FBXO25: variants seen among roughly 807,000 people sequenced by gnomAD.
FBXO25 encodes the protein F-box only protein 25.
Under a neutral mutation model 51.9 loss-of-function variants are expected in FBXO25, and 45 were observed. The observed-to-expected ratio is 0.87, with a 90% CI of 0.68 to 1.11. The LOEUF (loss-of-function observed/expected upper bound fraction) is 1.11, where lower values mean the gene tolerates loss of function less well. Ranked by LOEUF, FBXO25 falls within the 50% of genes most tolerant of loss-of-function variation. The pLI, the probability that FBXO25 is intolerant of heterozygous loss-of-function variation, is 0.00. For missense variants in FBXO25, 507 were observed against 428.5 expected (o/e 1.18, Z -1.62); for synonymous variants, 199 against 151.0 (o/e 1.32, Z -2.33).
At chr8:443,982 C>T (rs1798585271) in intron 5 of FBXO25, among the ~76,000 whole-genome samples, 2 of 152,194 alleles carry the variant, frequency 1.3e-5, no homozygotes, top group East Asian at 1.9e-4. Context: ...AGGTCTGGCC[C>T]CTCCCTCCTC....
At chr8:417,704 C>G (rs1003003052) in intron 2 of FBXO25, among the ~76,000 whole-genome samples, 2 of 152,198 alleles carry the variant, frequency 1.3e-5, no homozygotes, top group Non-Finnish European at 2.9e-5. Flanking sequence ...TCCTTTTCCT[C>G]CACTTGTATT....
intron 7 of FBXO25, among the ~76,000 whole-genome samples, chr8:456,479 A>C (rs1382611076): frequency 6.6e-6 from 1 of 152,220 alleles, no homozygotes; most frequent in African/African-American, 2.4e-5. Context: ...AAAGACGTTT[A>C]CTGAGAGCCT....
chr8:461,230 A>C (rs1049981451), intron 8 of FBXO25, among the ~76,000 whole-genome samples: 6 of 152,358 alleles, frequency 3.9e-5, no homozygotes, highest in African/African-American at 1.4e-4. Flanking sequence ...CACTTTATGC[A>C]GCCATCACTA....
rs1339419385 is a variant in FBXO25 at position 471,379 on chromosome 8, A to G, written c.*2575A>G. On this transcript the variant is annotated 3_prime_UTR_variant, in exon 10 of 10. Transcript: ENST00000350302. ...GACAACACCAAACAGAGATGAGAAGAGAAATCATAGATCTCCACTTTGGAA... is the reference window on the plus strand; with the variant it reads ...GACAACACCAAACAGAGATGAGAAGGGAAATCATAGATCTCCACTTTGGAA... The G allele has an allele frequency of 6.6e-6, 1 of 152,152 alleles. No individual in the cohort carries two copies. Among genetic ancestry groups the G allele is most frequent in the Admixed American group, 6.5e-5 (1 of 15,272 alleles). 9.4% of individuals were successfully genotyped at this position (152,152 alleles called of 1,614,324 possible).
At chr8:464,439 G>A (rs1364571404) in intron 9 of FBXO25, among the ~76,000 whole-genome samples, 1 of 152,216 alleles carries the variant, frequency 6.6e-6, no homozygotes, top group Non-Finnish European at 1.5e-5. Context: ...TGCGGAGGGA[G>A]TCCTCTGACT....
chr8:462,303 C>A (rs1799866832), intron 8 of FBXO25, among the ~76,000 whole-genome samples: 1 of 152,142 alleles, frequency 6.6e-6, no homozygotes, highest in Non-Finnish European at 1.5e-5. Context: ...CTTTGCATGT[C>A]CTTTGACCAT....
At chr8:416,793 A>T (rs147153967) in intron 2 of FBXO25, among the ~76,000 whole-genome samples, 130 of 152,376 alleles carry the variant, frequency 8.5e-4, no homozygotes, top group Middle Eastern at 3.4e-3. Context: ...GTCAGGATAC[A>T]GCAATAAATG....
intron 5 of FBXO25, among the ~76,000 whole-genome samples, chr8:447,240 C>T (rs527785118): frequency 1.3e-5 from 2 of 152,158 alleles, no homozygotes; most frequent in African/African-American, 4.8e-5. Flanking sequence ...TGTGGGGTCT[C>T]CCAGGGATTC....
At chr8:443,310 C>A (rs1055980859) in intron 5 of FBXO25, among the ~76,000 whole-genome samples, 1 of 149,292 alleles carries the variant, frequency 6.7e-6, no homozygotes, top group African/African-American at 2.5e-5. Flanking sequence ...TAATAGTCTG[C>A]AAATATCCAC....
intron 2 of FBXO25, among the ~76,000 whole-genome samples, chr8:415,590 C>T (rs1295268386): frequency 6.6e-6 from 1 of 152,134 alleles, no homozygotes; most frequent in Admixed American, 6.5e-5. Flanking sequence ...ATGTTGAGTG[C>T]TGCCTATGGT....
chr8:421,195 G>A (rs1011650607), intron 2 of FBXO25, among the ~76,000 whole-genome samples: 2 of 152,156 alleles, frequency 1.3e-5, no homozygotes, highest in African/African-American at 4.8e-5. Flanking sequence ...GAATGATCTA[G>A]GTTGCTCACT....
intron 1 of FBXO25, among the ~76,000 whole-genome samples, chr8:411,145 C>G (rs1259824466): frequency 2.0e-5 from 3 of 152,092 alleles, no homozygotes; most frequent in African/African-American, 7.2e-5. Context: ...TTATAAAATA[C>G]TCAAGTCTGT....
At chr8:468,079 C>A in intron 9 of FBXO25, 1 of 1,118,884 alleles carries the variant, frequency 8.9e-7, no homozygotes, top group South Asian at 3.5e-5. Context: ...AGCCTCTGGT[C>A]CCGTTTACCT....
At chr8:440,369 G>A (rs1798352432) in intron 5 of FBXO25, among the ~76,000 whole-genome samples, 1 of 152,216 alleles carries the variant, frequency 6.6e-6, no homozygotes, top group Non-Finnish European at 1.5e-5. Flanking sequence ...ACAGCTGCAT[G>A]GAGATCCATT....
At chr8:424,674 G>C (rs575476254) in intron 2 of FBXO25, among the ~76,000 whole-genome samples, 4 of 152,252 alleles carry the variant, frequency 2.6e-5, no homozygotes, top group Non-Finnish European at 5.9e-5. Flanking sequence ...ATGGTTGTAG[G>C]TGTGTGGCTT....
chr8:459,313 G>A (rs1357470620), intron 8 of FBXO25, among the ~76,000 whole-genome samples: 3 of 152,232 alleles, frequency 2.0e-5, no homozygotes, highest in African/African-American at 4.8e-5. Context: ...CTTTCATGAG[G>A]AGCATAGCCT....
chr8:449,676 G>C (rs1257708274), intron 5 of FBXO25, among the ~76,000 whole-genome samples: 1 of 152,160 alleles, frequency 6.6e-6, no homozygotes, highest in African/African-American at 2.4e-5. Flanking sequence ...ACAGAGGCTG[G>C]AAAGCTAAAA....
chr8:413,963 G>A (rs1733249886), intron 2 of FBXO25, among the ~76,000 whole-genome samples: 1 of 152,158 alleles, frequency 6.6e-6, no homozygotes, highest in East Asian at 1.9e-4. Flanking sequence ...AGAATTTGGA[G>A]GGCTAGGAAG....
At chr8:433,914 C>T (rs12550478) in intron 4 of FBXO25, among the ~76,000 whole-genome samples, 12,255 of 152,112 alleles carry the variant, frequency 0.081, 612 homozygotes, top group African/African-American at 0.14. Context: ...CACCATTAGA[C>T]GATTATTTGA....
Sources: gnomAD v4.1 joint callset for allele counts (sites outside exome capture counted in the v4.1 genomes callset) on GRCh38, gnomAD v4.1.1 for gene constraint, MANE v1.5 for transcripts, NCBI Gene and HGNC (gene_info 2026-07-23, HGNC 2026-07-21) for gene names.